The following RBFOX1 variants were observed in gnomAD, a reference collection of about 807,000 sequenced individuals.
RBFOX1 encodes RNA binding fox-1 homolog 1.
In RBFOX1, 8 loss-of-function variants were observed where a neutral mutation model predicts 57.7. The ratio of observed to expected loss-of-function variants is 0.14; its 90% CI spans 0.08 to 0.25. The LOEUF (loss-of-function observed/expected upper bound fraction) is 0.25, where lower values mean the gene tolerates loss of function less well. RBFOX1 is among the 10% of genes least tolerant of loss of function. The pLI, the probability that RBFOX1 is intolerant of heterozygous loss-of-function variation, is 1.00. For missense variants in RBFOX1, 611 were observed against 548.5 expected (o/e 1.11, Z -1.14); for synonymous variants, 326 against 222.4 (o/e 1.47, Z -4.15).
chr16:5,515,045 C>G (rs1218304786), intron 2 of RBFOX1, among the ~76,000 whole-genome samples: 4 of 152,102 alleles, frequency 2.6e-5, no homozygotes, highest in African/African-American at 9.7e-5. Flanking sequence ...GTCCCAGACT[C>G]TTTAACAACC....
At chr16:6,034,212 G>A (rs1331258281) in intron 1 of RBFOX1, among the ~76,000 whole-genome samples, 1 of 150,676 alleles carries the variant, frequency 6.6e-6, no homozygotes, top group Non-Finnish European at 1.5e-5. Flanking sequence ...GTGGGTGCCT[G>A]TAATCCCAGC....
At chr16:6,150,718 G>A (rs369593462) in intron 1 of RBFOX1, among the ~76,000 whole-genome samples, 109 of 152,054 alleles carry the variant, frequency 7.2e-4, no homozygotes, top group African/African-American at 8.0e-4. Context: ...AATCTAAACC[G>A]CATGAGAGCT....
rs536826711 is a variant in RBFOX1 at position 5,985,964 on chromosome 16, G to C, written c.351+118629G>C. ...CTTAGGAATCCATTAGTATCCACCC[G>C]TATACCATCTAGAGAGACATTTATT... On this transcript the variant is annotated intron_variant, in intron 4 of 19. Transcript: ENST00000641259. 1.2e-4 allele frequency among the ~76,000 whole-genome samples: 18 copies of C among 152,054 alleles called. No homozygotes were observed. The South Asian group carries it at 3.7e-3, about 32-fold the overall frequency.
chr16:6,789,615 T>G (rs529733762), intron 3 of RBFOX1, among the ~76,000 whole-genome samples: 2 of 152,202 alleles, frequency 1.3e-5, no homozygotes, highest in African/African-American at 4.8e-5. Context: ...GTGCCCATCT[T>G]TGCATAAAAG....
intron 14 of RBFOX1, among the ~76,000 whole-genome samples, chr16:7,693,048 C>T (rs766413648): frequency 2.6e-5 from 4 of 152,104 alleles, no homozygotes; most frequent in Non-Finnish European, 5.9e-5. Context: ...GAAACATATC[C>T]TGGCATGTTT....
intron 3 of RBFOX1, among the ~76,000 whole-genome samples, chr16:6,918,491 A>G (rs2073756400): frequency 6.6e-6 from 1 of 152,182 alleles, no homozygotes; most frequent in Non-Finnish European, 1.5e-5. Context: ...ATTGTTAATT[A>G]AATTAATGTC....
At chr16:5,583,471 A>T (rs1470115858) in intron 2 of RBFOX1, among the ~76,000 whole-genome samples, 1 of 152,172 alleles carries the variant, frequency 6.6e-6, no homozygotes, top group East Asian at 1.9e-4. Flanking sequence ...CTCGCTTCTG[A>T]TTCCTGTACG....
chr16:5,694,389 G>C (rs918668449), intron 3 of RBFOX1, among the ~76,000 whole-genome samples: 5 of 152,144 alleles, frequency 3.3e-5, no homozygotes, highest in African/African-American at 7.2e-5. Context: ...TACTTAGTGG[G>C]GCAGCAGTTG....
At chr16:7,605,470 C>G (rs920501252) in intron 9 of RBFOX1, among the ~76,000 whole-genome samples, 2 of 152,124 alleles carry the variant, frequency 1.3e-5, no homozygotes, top group African/African-American at 2.4e-5. Flanking sequence ...TGAGATCATC[C>G]CGGGGGCTGT....
chr16:5,983,157 C>G (rs762213283), intron 4 of RBFOX1, among the ~76,000 whole-genome samples: 1 of 152,210 alleles, frequency 6.6e-6, no homozygotes, highest in African/African-American at 2.4e-5. Context: ...CGTCCCTGCC[C>G]CCCATTACCC....
chr16:7,687,075 T>G (rs994193652), intron 14 of RBFOX1, among the ~76,000 whole-genome samples: 13 of 152,206 alleles, frequency 8.5e-5, no homozygotes, highest in Admixed American at 5.2e-4. Context: ...TTCCCCCTTT[T>G]CAAAAAGAGA....
intron 3 of RBFOX1, among the ~76,000 whole-genome samples, chr16:5,857,573 C>A (rs781633202): frequency 6.6e-6 from 1 of 152,252 alleles, no homozygotes; most frequent in Non-Finnish European, 1.5e-5. Context: ...GCCAAATATG[C>A]CTCCAGACAT....
At chr16:6,324,348 C>G (rs1219978816) in intron 2 of RBFOX1, among the ~76,000 whole-genome samples, 1 of 152,204 alleles carries the variant, frequency 6.6e-6, no homozygotes, top group East Asian at 1.9e-4. Flanking sequence ...TAAAGAGATA[C>G]CTGAGACTAG....
intron 1 of RBFOX1, chr16:5,366,754 T>C: frequency 3.2e-6 from 1 of 317,064 alleles, no homozygotes; most frequent in Non-Finnish European, 6.0e-6. Context: ...ACAGGTGATA[T>C]CTGGCTGTCC....
At chr16:7,273,789 G>T (rs2095387323) in intron 4 of RBFOX1, among the ~76,000 whole-genome samples, 1 of 152,110 alleles carries the variant, frequency 6.6e-6, no homozygotes, top group Non-Finnish European at 1.5e-5. Context: ...TCATTGTGTT[G>T]TTCATAAACT....
intron 3 of RBFOX1, among the ~76,000 whole-genome samples, chr16:7,025,327 C>T (rs756870413): frequency 2.0e-5 from 3 of 152,142 alleles, no homozygotes; most frequent in Non-Finnish European, 4.4e-5. Context: ...AGGTCCCTCT[C>T]AGGGCCATCT....
intron 2 of RBFOX1, among the ~76,000 whole-genome samples, chr16:6,442,714 C>G (rs2094410292): frequency 6.6e-6 from 1 of 152,080 alleles, no homozygotes; most frequent in Admixed American, 6.6e-5. Flanking sequence ...CTTTGTAATT[C>G]CCAACAATTG....
chr16:6,062,431 A>G (rs1301193031), intron 1 of RBFOX1, among the ~76,000 whole-genome samples: 2 of 152,018 alleles, frequency 1.3e-5, no homozygotes, highest in Non-Finnish European at 2.9e-5. Context: ...TTAACATACA[A>G]AAGATACCCT....
chr16:6,857,430 C>G (rs1341591841), intron 3 of RBFOX1, among the ~76,000 whole-genome samples: 2 of 152,142 alleles, frequency 1.3e-5, no homozygotes, highest in Non-Finnish European at 2.9e-5. Flanking sequence ...TGTACGCCAG[C>G]TGAAAGAGTT....
Sources: gnomAD v4.1 joint callset for allele counts (sites outside exome capture counted in the v4.1 genomes callset) on GRCh38, gnomAD v4.1.1 for gene constraint, MANE v1.5 for transcripts, NCBI Gene and HGNC (gene_info 2026-07-23, HGNC 2026-07-21) for gene names.